The following TAF4 variants were observed in gnomAD, a reference collection of about 807,000 sequenced individuals.
TAF4 encodes transcription initiation factor TFIID subunit 4.
A neutral mutation model predicts 90.3 loss-of-function variants in TAF4; 9 were observed. The observed-to-expected ratio is 0.10, with a 90% CI of 0.06 to 0.17. TAF4 has a LOEUF of 0.17. Ranked by LOEUF, TAF4 falls within the 10% of genes least tolerant of loss-of-function variation. The pLI is 1.00. For missense variants in TAF4, 1,351 were observed against 1,370.7 expected, an observed-to-expected ratio of 0.99 and a Z score of 0.23; for synonymous variants, 818 against 638.9, an observed-to-expected ratio of 1.28 and a Z score of -4.23.
In TAF4 at chr20:62,064,683, C is replaced by T. The variant is rs753902637; in HGVS notation, c.1128G>A (p.Gly376=). 4.0e-6 allele frequency: 5 copies of T among 1,265,050 alleles called. No individual in the cohort carries two copies. 78.4% of individuals were successfully genotyped at this position (1,265,050 alleles called of 1,614,324 possible). Residue 376 remains glycine, a synonymous_variant, in exon 1 of 15, where the codon GGG becomes GGA. Coordinates refer to ENST00000252996, the MANE Select transcript of TAF4 (RefSeq NM_003185.4). Reference sequence around the variant, plus strand: ...TGGGCAGCGCCCCTTGCATAGTTGGCCCGATGACCATGCTGGCCGCCGTGC... The same window carrying T: ...TGGGCAGCGCCCCTTGCATAGTTGGTCCGATGACCATGCTGGCCGCCGTGC... ...PASTAASMVI[G]PTMQGALPSP...
chr20:62,057,268 C>T (rs1021003828), intron 1 of TAF4, among the ~76,000 whole-genome samples: 8 of 152,202 alleles, frequency 5.3e-5, no homozygotes, highest in African/African-American at 1.9e-4. Context: ...CACCCAGCGC[C>T]CAGAGAAGGG....
chr20:62,046,897 AT>A (rs1471520884), intron 1 of TAF4, among the ~76,000 whole-genome samples: 2 of 152,114 alleles, frequency 1.3e-5, no homozygotes, highest in Non-Finnish European at 2.9e-5. Flanking sequence ...CCTTCTGCCC[AT>A]TTTTAACCGT....
chr20:62,063,890 C>T (rs1216250432), intron 1 of TAF4, among the ~76,000 whole-genome samples: 1 of 152,250 alleles, frequency 6.6e-6, no homozygotes, highest in African/African-American at 2.4e-5. Context: ...CCAGAGTTCC[C>T]GAGCCTCAAG....
Position 62,051,232 on chromosome 20 carries a change from G to A in TAF4, c.1360+13219C>T, listed in dbSNP as rs565560403. 5.9e-5 allele frequency among the ~76,000 whole-genome samples: 9 copies of A among 152,288 alleles called. No individual in the cohort carries two copies. In the South Asian group the frequency reaches 1.4e-3, roughly 25 times the overall value. ...GGCAGCCTTGGGAGGGTTCCAGCGA[G>A]GCCCCGGCCTGCGCCCCAGCCAGTC... is the stretch of plus-strand genomic sequence containing the variant. On this transcript the variant is annotated intron_variant, in intron 1 of 14. Coordinates refer to ENST00000252996, the MANE Select transcript of TAF4 (RefSeq NM_003185.4).
intron 1 of TAF4, among the ~76,000 whole-genome samples, chr20:62,063,816 T>C (rs953009972): frequency 6.6e-6 from 1 of 152,168 alleles, no homozygotes; most frequent in Non-Finnish European, 1.5e-5. Flanking sequence ...CCGGGAGGAC[T>C]CTCGCAGGAT....
intron 1 of TAF4, among the ~76,000 whole-genome samples, chr20:62,050,855 T>C (rs2056023135): frequency 6.6e-6 from 1 of 150,412 alleles, no homozygotes; most frequent in Non-Finnish European, 1.5e-5. Context: ...GAACAAGGCA[T>C]GCCCAGCGCT....
At position 62,014,618 on chromosome 20, in the gene TAF4, G is replaced by A; in HGVS notation, c.1450C>T (p.Pro484Ser). 1 of 1,614,102 alleles carries A rather than the reference G, an allele frequency of 6.2e-7. No individual in the cohort carries two copies. The highest frequency in any genetic ancestry group is 8.5e-7 in the Non-Finnish European group (1 of 1,180,004). ...AQMQAQAHAQ[P>S]QTTMAPRPAT... is the part of the protein sequence containing the mutation. ...GGGCGAGGCGCCATGGTGGTCTGAG[G>A]CTGGGCATGGGCCTGCGCCTGCATC... Residue 484 changes from proline to serine, a missense_variant, in exon 2 of 15, where the codon CCT becomes TCT. Coordinates refer to ENST00000252996, the MANE Select transcript of TAF4 (RefSeq NM_003185.4).
Position 61,996,813 on chromosome 20 carries a change from AG to A in TAF4, c.3090+736del, listed in dbSNP as rs1305503571. 4.2e-3 allele frequency among the ~76,000 whole-genome samples: 641 copies of A among 151,232 alleles called. 9 individuals carry two copies. The highest frequency in any genetic ancestry group is 0.015 in the African/African-American group (612 of 41,036). ...ACTGTCTCAAAAAAAAAAAAAAAAA[AG>A]AGAATGAGGGTGAAATACAATTTTT... On this transcript the variant is annotated intron_variant, in intron 14 of 14. Coordinates refer to ENST00000252996, the MANE Select transcript of TAF4 (RefSeq NM_003185.4).
intron 1 of TAF4, among the ~76,000 whole-genome samples, chr20:62,057,664 CG>C (rs11307464): frequency 0.68 from 55,358 of 81,738 alleles, 24,220 homozygotes; most frequent in African/African-American, 0.81. Context: ...CAATGGGGCT[CG>C]GGGGGCCAAC....
chr20:62,040,818 C>T (rs957510192), intron 1 of TAF4, among the ~76,000 whole-genome samples: 11 of 152,214 alleles, frequency 7.2e-5, no homozygotes, highest in Admixed American at 2.6e-4. Context: ...TACGACTCAG[C>T]GATTCCACTC....
chr20:61,990,394 G>C (rs2055623984), intron 14 of TAF4, among the ~76,000 whole-genome samples: 1 of 152,208 alleles, frequency 6.6e-6, no homozygotes, highest in Non-Finnish European at 1.5e-5. Context: ...GACAGGGGTA[G>C]CATAGTTTCT....
Position 62,006,541 on chromosome 20 carries a change from C to A in TAF4, c.2192G>T (p.Gly731Val). 1.3e-6 allele frequency: 2 copies of A among 1,556,644 alleles called. No individual in the cohort carries two copies. The highest frequency in any genetic ancestry group is 8.7e-7 in the Non-Finnish European group (1 of 1,152,960). ...TGTGGGTTGCCCCTGCTTGCCGACG[C>A]CGACCTGCGTGGGCTGCGTGAGGCT... is the stretch of plus-strand genomic sequence containing the variant. ...VLSLTQPTQV[G>V]VGKQGQPTPL... Residue 731 changes from glycine to valine, a missense_variant, in exon 7 of 15, where the codon GGC becomes GTC. Around this residue, in one of 9 missense-constraint regions of TAF4, gnomAD observed 202 missense variants for 229.7 expected, o/e 0.88. Transcript: ENST00000252996. This position sits in a 1 kb window ranked among gnomAD's most constrained non-coding sequence, Gnocchi z 7.0.
intron 1 of TAF4, among the ~76,000 whole-genome samples, chr20:62,036,252 T>C (rs2055932085): frequency 6.6e-6 from 1 of 152,212 alleles, no homozygotes; most frequent in African/African-American, 2.4e-5. Context: ...CTCGAACTCC[T>C]GACCTCAGGT....
chr20:62,034,387 A>G (rs1433282221), intron 1 of TAF4, among the ~76,000 whole-genome samples: 1 of 152,168 alleles, frequency 6.6e-6, no homozygotes, highest in African/African-American at 2.4e-5. Flanking sequence ...GCAGTGGCAC[A>G]ATCATAGCTC....
At chr20:62,007,754 AGAG>A in intron 5 of TAF4, 118 bp from the exon 6 acceptor site, 1 of 964,730 alleles carries the variant, frequency 1.0e-6, no homozygotes, top group Non-Finnish European at 1.5e-6. Context: ...TTCACTGGAC[AGAG>A]GAGATGGGAA....
intron 1 of TAF4, among the ~76,000 whole-genome samples, chr20:62,057,348 C>T (rs1051110308): frequency 6.6e-6 from 1 of 152,202 alleles, no homozygotes; most frequent in South Asian, 2.1e-4. Context: ...ACCCCAACCC[C>T]GAAACAATTC....
intron 1 of TAF4, among the ~76,000 whole-genome samples, chr20:62,044,368 G>A (rs1367977063): frequency 2.6e-5 from 4 of 152,262 alleles, no homozygotes; most frequent in Admixed American, 1.3e-4. Flanking sequence ...GTATGCATGC[G>A]AGTATGTGTA....
At chr20:61,987,734 G>A (rs78597677) in intron 14 of TAF4, among the ~76,000 whole-genome samples, 1 of 152,204 alleles carries the variant, frequency 6.6e-6, no homozygotes, top group African/African-American at 2.4e-5. Context: ...TACCCAAAGG[G>A]GCTGAAAATT....
In TAF4 at chr20:61,987,639, C is replaced by T. The variant is rs555260870; in HGVS notation, c.3090+9911G>A. 6.6e-5 allele frequency among the ~76,000 whole-genome samples: 10 copies of T among 152,328 alleles called. No homozygotes were observed. In the East Asian group the frequency reaches 1.9e-3, roughly 29 times the overall value. On this transcript the variant is annotated intron_variant, in intron 14 of 14. Coordinates refer to ENST00000252996, the MANE Select transcript of TAF4 (RefSeq NM_003185.4). ...TGGCTGCTGGGAAGGCAACATGGCGCGGCTGCTGGAAGACAGTCTGGCGGT... is the reference window on the plus strand; with the variant it reads ...TGGCTGCTGGGAAGGCAACATGGCGTGGCTGCTGGAAGACAGTCTGGCGGT...
Sources: gnomAD v4.1 joint callset for allele counts (sites outside exome capture counted in the v4.1 genomes callset) on GRCh38, gnomAD v4.1.1 for gene constraint, gnomAD v4.1.1 regional missense constraint, Gnocchi (gnomAD v3.1) non-coding constraint, MANE v1.5 for transcripts, NCBI Gene and HGNC (gene_info 2026-07-23, HGNC 2026-07-21) for gene names.